Variants in HOOK1 observed in about 807,000 individuals in gnomAD.
HOOK1 encodes the protein hook microtubule tethering protein 1.
Under a neutral mutation model 112.8 loss-of-function variants are expected in HOOK1, and 60 were observed. The ratio of observed to expected loss-of-function variants is 0.53; its 90% CI spans 0.43 to 0.66. HOOK1 has a LOEUF of 0.66. Ranked by LOEUF, HOOK1 falls within the 30% of genes least tolerant of loss-of-function variation. HOOK1 has a pLI of 0.00. For missense variants in HOOK1, 770 were observed against 856.0 expected, an observed-to-expected ratio of 0.90 and a Z score of 1.25; for synonymous variants, 294 against 283.8, an observed-to-expected ratio of 1.04 and a Z score of -0.36.
At position 59,815,146 on chromosome 1, in the gene HOOK1, C is replaced by G; in HGVS notation, c.29C>G (p.Pro10Arg). The change falls in exon 1 of 22, where the codon CCT becomes CGT. Residue 10 changes from proline (P) to arginine (R), a missense_variant. This residue lies in a region of HOOK1 where 655 missense variants were observed against 725.9 expected (regional missense o/e 0.90). Transcript: ENST00000371208. Reference sequence around the variant, plus strand: ...GAGGAGACGCAGCCGCCGCCGCAGCCTAAGCTGCCCCTGTGCGACAGCCTC... The same window carrying G: ...GAGGAGACGCAGCCGCCGCCGCAGCGTAAGCTGCCCCTGTGCGACAGCCTC... The part of the protein sequence containing the change: MEETQPPPQ[P>R]KLPLCDSLMI... The G allele has an allele frequency of 6.5e-7, 1 of 1,543,450 alleles. No individual in the cohort carries two copies. The highest frequency in any genetic ancestry group is 8.7e-7 in the Non-Finnish European group (1 of 1,146,568).
At chr1:59,835,241 G>C (rs933677300) in intron 5 of HOOK1, 104 bp from the exon 6 acceptor site, 22 of 705,380 alleles carry the variant, frequency 3.1e-5, no homozygotes, top group Non-Finnish European at 4.9e-5. Flanking sequence ...TTACATAAAG[G>C]ATTATCTGTG....
intron 7 of HOOK1, among the ~76,000 whole-genome samples, chr1:59,838,059 G>A (rs1256301955): frequency 5.3e-5 from 8 of 152,152 alleles, no homozygotes; most frequent in Non-Finnish European, 8.8e-5. Flanking sequence ...ATTCCATGGT[G>A]TATATGTGCC....
At chr1:59,846,834 C>T (rs2098404335) in intron 9 of HOOK1, among the ~76,000 whole-genome samples, 1 of 151,254 alleles carries the variant, frequency 6.6e-6, no homozygotes, top group Non-Finnish European at 1.5e-5. Flanking sequence ...CTTATTGCGA[C>T]TGATTTCTAA....
At position 59,863,783 on chromosome 1, in the gene HOOK1, A is replaced by G. The variant is rs533781199; in HGVS notation, c.1627-849A>G. The G allele has an allele frequency of 9.0e-6, 7 of 780,000 alleles. No individual in the cohort carries two copies. In the East Asian group the frequency reaches 6.7e-4, roughly 75 times the overall value. 48.3% of individuals were successfully genotyped at this position (780,000 alleles called of 1,614,324 possible). ...TTTCTTTCTGTCTTTTATGTGCTTT[A>G]TATTATTTTCTTTTTTTTTTCCCTG... On this transcript the variant is annotated intron_variant, in intron 16 of 21. Transcript: ENST00000371208.
chr1:59,857,868 C>T (rs1439267990), intron 12 of HOOK1, among the ~76,000 whole-genome samples: 1 of 152,102 alleles, frequency 6.6e-6, no homozygotes. Context: ...GTTTTTCCGC[C>T]AATGTGTATC....
At chr1:59,824,148 G>T (rs561768522) in intron 2 of HOOK1, among the ~76,000 whole-genome samples, 9 of 152,032 alleles carry the variant, frequency 5.9e-5, no homozygotes, top group Non-Finnish European at 1.2e-4. Context: ...GTCCTATTCC[G>T]ATTAAAAGGT....
intron 7 of HOOK1, among the ~76,000 whole-genome samples, chr1:59,839,934 T>C (rs2098400132): frequency 6.6e-6 from 1 of 152,222 alleles, no homozygotes; most frequent in Non-Finnish European, 1.5e-5. Context: ...CTTTGCTGCA[T>C]CTATTGAGAT....
At chr1:59,849,322 T>TA (rs2098405868) in intron 12 of HOOK1, 139 bp downstream of exon 12, 3 of 513,166 alleles carry the variant, frequency 5.8e-6, no homozygotes, top group Non-Finnish European at 1.0e-5. Context: ...AAGTGTCTTG[T>TA]AAAAATGACT....
chr1:59,821,357 G>T (rs982979252), intron 1 of HOOK1, among the ~76,000 whole-genome samples: 2 of 152,182 alleles, frequency 1.3e-5, no homozygotes, highest in Non-Finnish European at 2.9e-5. Context: ...TCTTCAAGAC[G>T]TAAGGCCAAT....
rs199585354 is a variant in HOOK1 at position 59,872,970 on chromosome 1, C to CA, written c.*13dup. On this transcript the variant is annotated 3_prime_UTR_variant, in exon 22 of 22. Transcript: ENST00000371208. ...CCTGCTACAACATCTGATTAAACTG[C>CA]AAAAAAAACAAAACAAAACAAAAAA... is the stretch of plus-strand genomic sequence containing the variant. 367 of 1,432,650 alleles carry CA rather than the reference C, an allele frequency of 2.6e-4. No homozygotes were observed. The highest frequency in any genetic ancestry group is 9.0e-4 in the Middle Eastern group (5 of 5,534). 88.7% of individuals were successfully genotyped at this position (1,432,650 alleles called of 1,614,324 possible).
rs2098395469 is a variant in HOOK1, at chr1:59,833,478, A to C, written c.347A>C (p.Glu116Ala). The change falls in exon 5 of 22, where the codon GAG (glutamate) becomes GCG (alanine). Residue 116 changes from glutamate (E) to alanine (A), a missense_variant. Physicochemically the swap from Glu to Ala is moderately radical, Grantham distance 107. Coordinates refer to ENST00000371208, the MANE Select transcript of HOOK1 (RefSeq NM_015888.6). ...ATAACCGAATGTTCAGATCCAGTGG[A>C]GCTTGGGAGGTTGCTCCAGCTTATT... is the stretch of plus-strand genomic sequence containing the variant. Reference protein sequence around the residue: ...NQITECSDPVELGRLLQLILG... With the variant: ...NQITECSDPVALGRLLQLILG... The C allele has an allele frequency of 4.4e-6, 7 of 1,595,302 alleles. No individual in the cohort carries two copies. In the African/African-American group the frequency reaches 6.7e-5, roughly 15 times the overall value.
intron 21 of HOOK1, among the ~76,000 whole-genome samples, chr1:59,871,826 A>G (rs1644059623): frequency 6.6e-6 from 1 of 152,196 alleles, no homozygotes; most frequent in African/African-American, 2.4e-5. Flanking sequence ...AGCACTAGTT[A>G]TTCTTCCTGA....
chr1:59,865,296 C>G (rs1462555771), intron 18 of HOOK1, 51 bp downstream of exon 18: 11 of 1,121,716 alleles, frequency 9.8e-6, no homozygotes, highest in Non-Finnish European at 1.5e-5. Context: ...TAAGGACTTA[C>G]CCTTTTTTAT....
intron 12 of HOOK1, 22 bp downstream of exon 12, chr1:59,849,205 A>C: frequency 6.8e-7 from 1 of 1,468,834 alleles, no homozygotes; most frequent in Non-Finnish European, 9.5e-7. Context: ...TATAATTGAT[A>C]AGGAATATTT....
At chr1:59,821,035 A>G (rs1164814618) in intron 1 of HOOK1, among the ~76,000 whole-genome samples, 1 of 152,220 alleles carries the variant, frequency 6.6e-6, no homozygotes, top group Non-Finnish European at 1.5e-5. Flanking sequence ...AGATAGTTAA[A>G]TGGTAAACTA....
chr1:59,855,984 ATTTTTTTTT>A (rs1167413179), intron 12 of HOOK1, among the ~76,000 whole-genome samples: 45 of 60,278 alleles, frequency 7.5e-4, no homozygotes, highest in African/African-American at 1.6e-3. Flanking sequence ...ATATATATAT[ATTTTTTTTT>A]TTTTTTTTTT....
chr1:59,838,663 A>G (rs143034721), intron 7 of HOOK1, among the ~76,000 whole-genome samples: 1 of 152,170 alleles, frequency 6.6e-6, no homozygotes, highest in South Asian at 2.1e-4. Flanking sequence ...GTTCACTCTG[A>G]TGATAGTTTC....
At chr1:59,822,823 CTG>C (rs1268499910) in intron 2 of HOOK1, among the ~76,000 whole-genome samples, 1 of 152,156 alleles carries the variant, frequency 6.6e-6, no homozygotes, top group Non-Finnish European at 1.5e-5. Flanking sequence ...AATCCTATGC[CTG>C]TCTTAGAAAA....
intron 11 of HOOK1, 63 bp from the exon 12 acceptor site, chr1:59,849,010 C>A: frequency 2.3e-6 from 2 of 857,590 alleles, no homozygotes; most frequent in Non-Finnish European, 3.6e-6. Context: ...TTCTGAAAGA[C>A]TATTGAGATT....
Sources: allele counts gnomAD v4.1 joint callset (sites outside exome capture counted in the v4.1 genomes callset), GRCh38; gene constraint gnomAD v4.1.1; regional missense constraint gnomAD v4.1.1; transcripts MANE v1.5; gene names NCBI Gene and HGNC (gene_info 2026-07-23, HGNC 2026-07-21).